Variants in MTMR2 observed in about 807,000 individuals in gnomAD.
MTMR2 encodes myotubularin related protein 2.
In MTMR2, 55 loss-of-function variants were observed where a neutral mutation model predicts 86.9. The observed-to-expected ratio is 0.63, with a 90% CI of 0.51 to 0.79. The LOEUF is 0.79. MTMR2 is among the 30% of genes least tolerant of loss of function. MTMR2 has a pLI of 0.00. For missense variants in MTMR2, 659 were observed against 772.3 expected (o/e 0.85, Z 1.74); for synonymous variants, 241 against 266.8 (o/e 0.90, Z 0.94).
chr11:95,838,346 A>C, intron 12 of MTMR2, 139 bp from the exon 13 acceptor site: 2 of 657,308 alleles, frequency 3.0e-6, no homozygotes, highest in Non-Finnish European at 5.6e-6. Context: ...CCATTATGGC[A>C]TTATTCGTAT....
At chr11:95,888,095 G>T in intron 2 of MTMR2, 61 bp downstream of exon 2, 1 of 1,204,388 alleles carries the variant, frequency 8.3e-7, no homozygotes, top group Non-Finnish European at 1.2e-6. Context: ...TATATTGATA[G>T]TGTTGGCCAC....
At chr11:95,840,355 A>G (rs1420254519) in intron 12 of MTMR2, among the ~76,000 whole-genome samples, 1 of 152,132 alleles carries the variant, frequency 6.6e-6, no homozygotes, top group African/African-American at 2.4e-5. Context: ...GGTAACAGTC[A>G]AAAGTGGGGT....
At chr11:95,909,104 G>T (rs1866402791) in intron 1 of MTMR2, among the ~76,000 whole-genome samples, 1 of 151,770 alleles carries the variant, frequency 6.6e-6, no homozygotes, top group African/African-American at 2.4e-5. Flanking sequence ...ATAACAAAGG[G>T]TTTTTTTCCT....
At chr11:95,837,987 T>C in intron 13 of MTMR2, 107 bp downstream of exon 13, 3 of 745,676 alleles carry the variant, frequency 4.0e-6, no homozygotes, top group Non-Finnish European at 2.4e-6. Flanking sequence ...TAAGATAAAG[T>C]ATGACCCAAA....
intron 13 of MTMR2, 83 bp downstream of exon 13, chr11:95,838,011 T>C: frequency 2.2e-6 from 2 of 900,134 alleles, no homozygotes; most frequent in South Asian, 2.7e-5. Flanking sequence ...ATGACTTCAG[T>C]TGAAATCTGT....
intron 1 of MTMR2, among the ~76,000 whole-genome samples, chr11:95,916,933 T>C (rs1866733510): frequency 6.6e-6 from 1 of 152,098 alleles, no homozygotes; most frequent in Admixed American, 6.5e-5. Flanking sequence ...TTGGTACCTA[T>C]ATAGAAACAT....
At position 95,858,268 on chromosome 11, in the gene MTMR2, A is replaced by T. The variant is rs1472048972; in HGVS notation, c.570+263T>A. Among the ~76,000 whole-genome samples, 3 of 152,160 alleles carry T rather than the reference A, an allele frequency of 2.0e-5. No individual in the cohort carries two copies. In the East Asian group the frequency reaches 5.8e-4, roughly 29 times the overall value. On this transcript the variant is annotated intron_variant, in intron 6 of 14. Coordinates refer to ENST00000346299, the MANE Select transcript of MTMR2 (RefSeq NM_016156.6). The stretch of plus-strand genomic sequence containing the variant: ...TAATGAAGACAACAGGTAACTTTTC[A>T]TCATGGAAACACCCTGAATAGCAAG...
Position 95,841,664 on chromosome 11 carries a change from G to A in MTMR2, c.1432C>T (p.Pro478Ser). Residue 478 changes from proline (P) to serine (S), a missense_variant, in exon 12 of 15, where the codon CCT becomes TCT. Around this residue, in one of 3 missense-constraint regions of MTMR2, gnomAD observed 387 missense variants for 526.3 expected, o/e 0.74. Transcript: ENST00000346299. Reference sequence around the variant, plus strand: ...CAGTCAATAAATTGAAGAAAAACAGGCGATCTGTCTGCATCTGCATGGTTC... The same window carrying A: ...CAGTCAATAAATTGAAGAAAAACAGACGATCTGTCTGCATCTGCATGGTTC... ...DKNHADADRS[P>S]VFLQFIDCVW... The A allele has an allele frequency of 6.2e-7, 1 of 1,613,818 alleles. No homozygotes were observed. Among genetic ancestry groups the A allele is most frequent in the Non-Finnish European group, 8.5e-7 (1 of 1,179,848 alleles).
chr11:95,870,588 G>A (rs1565364021), intron 2 of MTMR2, among the ~76,000 whole-genome samples: 1 of 151,944 alleles, frequency 6.6e-6, no homozygotes. Flanking sequence ...TTTTACTTGA[G>A]AGGAATTGCA....
rs144728577 is a variant in MTMR2, at chr11:95,893,427, C to G, written c.81-5166G>C. Among the ~76,000 whole-genome samples, 111 of 152,202 alleles carry G rather than the reference C, an allele frequency of 7.3e-4. 1 individual carries two copies. Among genetic ancestry groups the G allele is most frequent in the African/African-American group, 2.6e-3 (107 of 41,544 alleles). On this transcript the variant is annotated intron_variant, in intron 1 of 14. Coordinates refer to ENST00000346299, the MANE Select transcript of MTMR2 (RefSeq NM_016156.6). The stretch of plus-strand genomic sequence containing the variant: ...TCTCATCTTCAACCTAGTAGAGACA[C>G]CCAGACCCTCAACCCCTCCATTTTT...
intron 1 of MTMR2, among the ~76,000 whole-genome samples, chr11:95,900,910 G>A (rs1012999815): frequency 3.3e-5 from 5 of 152,130 alleles, no homozygotes; most frequent in Non-Finnish European, 7.4e-5. Context: ...AAAACCAGGG[G>A]CCTTGTTTCT....
intron 1 of MTMR2, among the ~76,000 whole-genome samples, chr11:95,899,514 T>C (rs1422449283): frequency 6.6e-6 from 1 of 152,166 alleles, no homozygotes; most frequent in Non-Finnish European, 1.5e-5. Flanking sequence ...ATGAGTGTTC[T>C]ATGAAGATAT....
chr11:95,852,231 A>C (rs1864048511), intron 7 of MTMR2, among the ~76,000 whole-genome samples: 2 of 152,226 alleles, frequency 1.3e-5, no homozygotes, highest in Admixed American at 6.5e-5. Flanking sequence ...TAGATAAAGA[A>C]ACTATGGCAC....
intron 1 of MTMR2, among the ~76,000 whole-genome samples, chr11:95,893,932 G>A (rs890522967): frequency 6.6e-6 from 1 of 152,094 alleles, no homozygotes; most frequent in Non-Finnish European, 1.5e-5. Context: ...ACCTAAATCT[G>A]ATCATATCAA....
chr11:95,898,566 G>A (rs1865961304), intron 1 of MTMR2, among the ~76,000 whole-genome samples: 1 of 152,074 alleles, frequency 6.6e-6, no homozygotes, highest in African/African-American at 2.4e-5. Context: ...ATGGGTGTGA[G>A]AAAGAGAAAC....
intron 1 of MTMR2, chr11:95,907,858 A>G: frequency 2.2e-6 from 1 of 445,490 alleles, no homozygotes; most frequent in Non-Finnish European, 4.5e-6. Flanking sequence ...TTGAAGGAAC[A>G]TACCTCAAAA....
intron 2 of MTMR2, among the ~76,000 whole-genome samples, chr11:95,875,052 G>A (rs1865051684): frequency 6.6e-6 from 1 of 151,988 alleles, no homozygotes; most frequent in Admixed American, 6.6e-5. Context: ...TTCAACTTTG[G>A]TGAATCTGAC....
rs1258772501 is a variant in MTMR2 at position 95,901,277 on chromosome 11, T to A, written c.81-13016A>T. ...AGCATTTGACTATCTGGCCCCACACTCTCTCTCCAGCCTTATTTCTCACTC... is the reference window on the plus strand; with the variant it reads ...AGCATTTGACTATCTGGCCCCACACACTCTCTCCAGCCTTATTTCTCACTC... On this transcript the variant is annotated intron_variant, in intron 1 of 14. Transcript: ENST00000346299. Among the ~76,000 whole-genome samples, 12 of 152,202 alleles carry A rather than the reference T, an allele frequency of 7.9e-5. No homozygotes were observed. The East Asian group carries it at 1.9e-3, about 24-fold the overall frequency.
At chr11:95,869,972 T>C (rs1864791709) in intron 2 of MTMR2, among the ~76,000 whole-genome samples, 1 of 152,144 alleles carries the variant, frequency 6.6e-6, no homozygotes, top group Non-Finnish European at 1.5e-5. Context: ...GGGATTTGGG[T>C]TGTACAGGTG....
Sources: gnomAD v4.1 joint callset for allele counts (sites outside exome capture counted in the v4.1 genomes callset) on GRCh38, gnomAD v4.1.1 for gene constraint, gnomAD v4.1.1 regional missense constraint, MANE v1.5 for transcripts, NCBI Gene and HGNC (gene_info 2026-07-23, HGNC 2026-07-21) for gene names.